The following USP4 variants were observed in gnomAD, a reference collection of about 807,000 sequenced individuals.
The protein encoded by USP4 is ubiquitin specific peptidase 4, also known as ubiquitin carboxyl-terminal hydrolase 4.
In USP4, 72 loss-of-function variants were observed where a neutral mutation model predicts 118.2. That is an observed-to-expected ratio of 0.61 (90% CI 0.50 to 0.74). The LOEUF (loss-of-function observed/expected upper bound fraction) is 0.74. USP4 is among the 30% of genes least tolerant of loss of function. USP4 has a pLI of 0.00. For missense variants in USP4, 1,037 were observed against 1,185.7 expected, an observed-to-expected ratio of 0.87 and a Z score of 1.84; for synonymous variants, 415 against 440.4, an observed-to-expected ratio of 0.94 and a Z score of 0.72.
At chr3:49,318,288 T>C (rs1312187195) in intron 6 of USP4, 13 of 983,008 alleles carry the variant, frequency 1.3e-5, no homozygotes, top group Non-Finnish European at 1.6e-5. Flanking sequence ...CTCTTAACAG[T>C]CAGAATACTT....
intron 8 of USP4, among the ~76,000 whole-genome samples, chr3:49,306,601 T>C (rs966043454): frequency 1.3e-5 from 2 of 152,132 alleles, no homozygotes; most frequent in African/African-American, 4.8e-5. Flanking sequence ...ATCATGAAAT[T>C]TTAACCCTTT....
In USP4 at chr3:49,300,894, A is replaced by AAC. The variant is rs147294378; in HGVS notation, c.1288-205_1288-204dup. The stretch of plus-strand genomic sequence containing the variant: ...CAGCTCTACGCCCAATCCCCACCCC[A>AAC]ACACACATATATATATTTCACATAT... On this transcript the variant is annotated intron_variant, in intron 10 of 21. Coordinates refer to ENST00000265560, the MANE Select transcript of USP4 (RefSeq NM_003363.4). Among the ~76,000 whole-genome samples, 1,237 of 152,138 alleles carry AAC rather than the reference A, an allele frequency of 8.1e-3. 8 individuals are homozygous for AAC. The highest frequency in any genetic ancestry group is 0.013 in the Non-Finnish European group (898 of 68,006).
intron 2 of USP4, among the ~76,000 whole-genome samples, chr3:49,333,876 G>A (rs556360209): frequency 4.6e-5 from 7 of 152,120 alleles, no homozygotes; most frequent in African/African-American, 9.6e-5. Flanking sequence ...AAAATTAGCC[G>A]GGCGTGGTGG....
Position 49,302,499 on chromosome 3 carries a change from T to G in USP4, c.1172A>C (p.Gln391Pro). The G allele has an allele frequency of 6.2e-7, 1 of 1,614,164 alleles. No individual in the cohort carries two copies. The highest frequency in any genetic ancestry group is 8.5e-7 in the Non-Finnish European group (1 of 1,180,026). Residue 391 changes from glutamine (Q) to proline (P), a missense_variant, in exon 10 of 22, where the codon CAA becomes CCA. Around this residue, in one of 3 missense-constraint regions of USP4, gnomAD observed 487 missense variants for 534.1 expected, o/e 0.91. Coordinates refer to ENST00000265560, the MANE Select transcript of USP4 (RefSeq NM_003363.4). ...GGCCAGCAGCTCCTGAGAATCTTGTTGCTGGTAGCCAGAAAATTGAGGAGC... is the reference window on the plus strand; with the variant it reads ...GGCCAGCAGCTCCTGAGAATCTTGTGGCTGGTAGCCAGAAAATTGAGGAGC... ...RFAPQFSGYQQQDSQELLAFL... is the reference protein window; with the variant it reads ...RFAPQFSGYQPQDSQELLAFL...
intron 3 of USP4, among the ~76,000 whole-genome samples, chr3:49,326,338 T>TA (rs2047555168): frequency 1.3e-5 from 2 of 150,658 alleles, no homozygotes; most frequent in Non-Finnish European, 3.0e-5. Context: ...TATATATATA[T>TA]TTTTTTTCTA....
At chr3:49,290,805 G>A (rs1372628419) in intron 15 of USP4, among the ~76,000 whole-genome samples, 3 of 152,078 alleles carry the variant, frequency 2.0e-5, no homozygotes, top group African/African-American at 4.8e-5. Context: ...ATGAGCCATC[G>A]CACCCGTCTG....
intron 15 of USP4, among the ~76,000 whole-genome samples, 190 bp from the exon 16 acceptor site, chr3:49,286,515 G>A (rs1035513537): frequency 6.6e-6 from 1 of 152,024 alleles, no homozygotes; most frequent in Non-Finnish European, 1.5e-5. Context: ...CAGGCAGACT[G>A]GGCACTGCTA....
At chr3:49,338,591 G>A (rs749827325) in intron 1 of USP4, among the ~76,000 whole-genome samples, 35 of 151,222 alleles carry the variant, frequency 2.3e-4, no homozygotes, top group East Asian at 1.6e-3. Flanking sequence ...GAACATGGGA[G>A]GGGGAGGTTG....
Position 49,310,732 on chromosome 3 carries a change from G to C in USP4, c.842C>G (p.Ser281Cys), listed in dbSNP as rs746684610. Reference protein sequence around the residue: ...MHSSGVSRGGSGFSASYNCQE... With the variant: ...MHSSGVSRGGCGFSASYNCQE... ...ACAATTATACGAAGCAGAAAAGCCA[G>C]ATCCACTGGAAAACACAACACACAT... Residue 281 changes from serine (S) to cysteine (C), a missense_variant, in exon 8 of 22, where the codon TCT becomes TGT. Ser to Cys is a moderately radical substitution (Grantham distance 112). Coordinates refer to ENST00000265560, the MANE Select transcript of USP4 (RefSeq NM_003363.4). The C allele has an allele frequency of 1.3e-5, 21 of 1,613,132 alleles. No homozygotes were observed. The highest frequency in any genetic ancestry group is 1.8e-5 in the Non-Finnish European group (21 of 1,179,096).
Position 49,277,186 on chromosome 3 carries a change from C to T in USP4, c.*1107G>A. On this transcript the variant is annotated 3_prime_UTR_variant, in exon 22 of 22. Coordinates refer to ENST00000265560, the MANE Select transcript of USP4 (RefSeq NM_003363.4). ...TCGGCAGCCACGTCCTTGTCCTCAC[C>T]CGCAGCGCAGTGACGCCGACCCATC... is the stretch of plus-strand genomic sequence containing the variant. The T allele has an allele frequency of 7.3e-7, 1 of 1,371,180 alleles. No individual in the cohort carries two copies. The allele number at this position is 1,371,180 out of a possible 1,614,324, so 84.9% of individuals were successfully genotyped here.
At chr3:49,311,836 T>C (rs1360547880) in intron 6 of USP4, 182 bp from the exon 7 acceptor site, 3 of 1,300,294 alleles carry the variant, frequency 2.3e-6, no homozygotes, top group Non-Finnish European at 2.0e-6. Flanking sequence ...ACAAATTAAC[T>C]GGTCTTCCTG....
At chr3:49,301,906 G>A (rs2047266651) in intron 10 of USP4, among the ~76,000 whole-genome samples, 1 of 152,070 alleles carries the variant, frequency 6.6e-6, no homozygotes, top group African/African-American at 2.4e-5. Context: ...AACAAATTAA[G>A]TAATCATGGA....
intron 13 of USP4, 110 bp downstream of exon 13, chr3:49,297,760 T>A: frequency 1.1e-6 from 1 of 888,320 alleles, no homozygotes; most frequent in Non-Finnish European, 1.8e-6. Context: ...TCAGGGCCAA[T>A]CCACATGAGC....
intron 20 of USP4, 49 bp downstream of exon 20, chr3:49,280,695 G>A: frequency 1.3e-6 from 2 of 1,511,198 alleles, no homozygotes; most frequent in Non-Finnish European, 1.8e-6. Context: ...GAGAGATGAT[G>A]GCCGAGCACA....
intron 3 of USP4, among the ~76,000 whole-genome samples, chr3:49,326,991 C>T (rs2047562664): frequency 6.6e-6 from 1 of 152,108 alleles, no homozygotes; most frequent in East Asian, 1.9e-4. Flanking sequence ...TGAGCCACTG[C>T]GCCTAGCTCA....
intron 13 of USP4, among the ~76,000 whole-genome samples, chr3:49,295,150 A>G (rs1290837254): frequency 1.3e-5 from 2 of 152,014 alleles, no homozygotes; most frequent in Non-Finnish European, 2.9e-5. Flanking sequence ...TTAGACGGGC[A>G]TGGTGGTGGG....
chr3:49,305,693 A>G, intron 9 of USP4, 22 bp downstream of exon 9: 1 of 1,484,440 alleles, frequency 6.7e-7, no homozygotes, highest in Non-Finnish European at 9.1e-7. Flanking sequence ...TACCCAACCC[A>G]TATATATATA....
intron 15 of USP4, among the ~76,000 whole-genome samples, chr3:49,287,071 C>T (rs1333348334): frequency 1.3e-5 from 2 of 152,072 alleles, no homozygotes; most frequent in Admixed American, 6.6e-5. Context: ...AGGCTGGTCT[C>T]GAACTCCTGA....
chr3:49,309,943 CTTTTTTTT>C lies in USP4; in HGVS notation c.954+669_954+676del, dbSNP rs773669515. On this transcript the variant is annotated intron_variant, in intron 8 of 21. Transcript: ENST00000265560. ...TGCTGCCCCCGGACTTTTTTTTAAT[CTTTTTTTT>C]TTTTTTTTTTTTTTTGAGACAGAGT... Among the ~76,000 whole-genome samples the C allele has an allele frequency of 9.9e-5, 4 of 40,228 alleles. 1 individual carries two copies. The highest frequency in any genetic ancestry group is 4.6e-4 in the African/African-American group (4 of 8,718). 26.4% of individuals were successfully genotyped at this position (40,228 alleles called of 152,430 possible). A position where few individuals can be genotyped will look rare whatever the true frequency, so the allele number is the denominator to read the frequency against.
Sources: allele counts gnomAD v4.1 joint callset (sites outside exome capture counted in the v4.1 genomes callset), GRCh38; gene constraint gnomAD v4.1.1; regional missense constraint gnomAD v4.1.1; transcripts MANE v1.5; gene names NCBI Gene and HGNC (gene_info 2026-07-23, HGNC 2026-07-21).